ZNF143: variants seen among roughly 807,000 people sequenced by gnomAD.
ZNF143 encodes the protein zinc finger protein 143, also known as SPH-binding factor.
In ZNF143, 49 loss-of-function variants were observed where a neutral mutation model predicts 74.1. The observed-to-expected ratio is 0.66, with a 90% CI of 0.53 to 0.84. ZNF143 has a LOEUF of 0.84. Ranked by LOEUF, ZNF143 falls within the 40% of genes least tolerant of loss-of-function variation. The pLI, the probability that ZNF143 is intolerant of heterozygous loss-of-function variation, is 0.00. For missense variants in ZNF143, 637 were observed against 793.4 expected (o/e 0.80, Z 2.37); for synonymous variants, 304 against 282.8 (o/e 1.07, Z -0.75).
chr11:9,509,728 C>CT lies in ZNF143; in HGVS notation c.1375+886dup, dbSNP rs568845099. Among the ~76,000 whole-genome samples, 21 of 152,282 alleles carry CT rather than the reference C, an allele frequency of 1.4e-4. No homozygotes were observed. The East Asian group carries it at 4.0e-3, about 29-fold the overall frequency. On this transcript the variant is annotated intron_variant, in intron 12 of 15. Transcript: ENST00000396602. ...ATGATTCCTTGTAGTCCTGATTTGT[C>CT]TTTTCAGGTATTTGTTAGGTGGTGG...
At chr11:9,522,065 CAAAAAA>C (rs34484384) in intron 14 of ZNF143, among the ~76,000 whole-genome samples, 1 of 97,594 alleles carries the variant, frequency 1.0e-5, no homozygotes, top group African/African-American at 4.6e-5. Flanking sequence ...GACCCTGTCT[CAAAAAA>C]AAAAAAAAAA....
intron 1 of ZNF143, among the ~76,000 whole-genome samples, chr11:9,469,889 C>G (rs1856470458): frequency 6.6e-6 from 1 of 152,162 alleles, no homozygotes; most frequent in Non-Finnish European, 1.5e-5. Flanking sequence ...TTTTGTGTAT[C>G]TGAACAGTAG....
intron 11 of ZNF143, among the ~76,000 whole-genome samples, chr11:9,507,063 C>G (rs1476877464): frequency 6.6e-6 from 1 of 152,142 alleles, no homozygotes; most frequent in African/African-American, 2.4e-5. Context: ...ATTAACCTGC[C>G]TGCTTTGGGA....
intron 7 of ZNF143, among the ~76,000 whole-genome samples, chr11:9,494,379 C>CT (rs1847886854): frequency 6.6e-6 from 1 of 152,188 alleles, no homozygotes; most frequent in African/African-American, 2.4e-5. Context: ...AATCACAGCT[C>CT]ACTGCAGCCT....
chr11:9,527,221 C>T (rs1430090926), intron 15 of ZNF143, among the ~76,000 whole-genome samples: 2 of 152,220 alleles, frequency 1.3e-5, no homozygotes, highest in Non-Finnish European at 2.9e-5. Context: ...ATCTGCCTGC[C>T]TCCACCTCCC....
At chr11:9,482,990 A>G (rs558906337) in intron 7 of ZNF143, among the ~76,000 whole-genome samples, 1 of 150,720 alleles carries the variant, frequency 6.6e-6, no homozygotes, top group South Asian at 2.1e-4. Context: ...TTATTTTATT[A>G]TTATATTTAT....
At chr11:9,481,079 A>G (rs1197429336) in intron 7 of ZNF143, among the ~76,000 whole-genome samples, 1 of 151,862 alleles carries the variant, frequency 6.6e-6, no homozygotes, top group Non-Finnish European at 1.5e-5. Context: ...ATTCATATTC[A>G]TATTTTGTGA....
At chr11:9,498,228 C>A (rs1344553007) in intron 10 of ZNF143, among the ~76,000 whole-genome samples, 1 of 152,204 alleles carries the variant, frequency 6.6e-6, no homozygotes, top group Non-Finnish European at 1.5e-5. Flanking sequence ...CCCTGAAATT[C>A]CATATGACTT....
At chr11:9,475,191 A>G (rs1856804371) in intron 5 of ZNF143, among the ~76,000 whole-genome samples, 1 of 152,170 alleles carries the variant, frequency 6.6e-6, no homozygotes, top group Admixed American at 6.5e-5. Context: ...ATATTTTAAA[A>G]GCAGCCTTGG....
In ZNF143 at chr11:9,524,045, CAAAAAAAA is replaced by C. The variant is rs533664056; in HGVS notation, c.1687-1182_1687-1175del. 3.5e-5 allele frequency among the ~76,000 whole-genome samples: 3 copies of C among 86,762 alleles called. No homozygotes were observed. The East Asian group carries it at 8.8e-4, about 26-fold the overall frequency. The allele number at this position is 86,762 out of a possible 152,430, so 56.9% of individuals were successfully genotyped here. The stretch of plus-strand genomic sequence containing the variant: ...CTTGGGCGACAGAGCGAGACTACCT[CAAAAAAAA>C]AAAAAAAAAAAAGGATTTGAGGACA... On this transcript the variant is annotated intron_variant, in intron 14 of 15. Coordinates refer to ENST00000396602, the MANE Select transcript of ZNF143 (RefSeq NM_003442.6).
At chr11:9,477,113 CCCTTCCTT>C (rs370473998) in intron 5 of ZNF143, among the ~76,000 whole-genome samples, 8,515 of 70,454 alleles carry the variant, frequency 0.12, 682 homozygotes, top group African/African-American at 0.18. Flanking sequence ...AAGTCTGCAC[CCCTTCCTT>C]CCTTCCTTCC....
intron 15 of ZNF143, 76 bp downstream of exon 15, chr11:9,525,462 T>A (rs751081283): frequency 6.3e-7 from 1 of 1,581,178 alleles, no homozygotes; most frequent in East Asian, 2.2e-5. Context: ...CTGTGCTTCG[T>A]GTATAACCTT....
chr11:9,467,923 T>C (rs914331852), intron 1 of ZNF143, among the ~76,000 whole-genome samples: 1 of 152,164 alleles, frequency 6.6e-6, no homozygotes, highest in Non-Finnish European at 1.5e-5. Context: ...ATGCTTTGCT[T>C]TCCTTACCTA....
At chr11:9,494,564 G>C in intron 7 of ZNF143, 82 bp from the exon 8 acceptor site, 2 of 1,417,376 alleles carry the variant, frequency 1.4e-6, no homozygotes, top group Admixed American at 2.0e-5. Flanking sequence ...GCCTACCTCT[G>C]CCTCCCCATG....
intron 13 of ZNF143, among the ~76,000 whole-genome samples, chr11:9,513,203 T>C (rs146354789): frequency 0.012 from 1,774 of 152,330 alleles, 14 homozygotes; most frequent in South Asian, 0.043. Flanking sequence ...GGTGGAAATA[T>C]GCACAATGTG....
At position 9,508,803 on chromosome 11, in the gene ZNF143, G is replaced by A. The variant is rs940514329; in HGVS notation, c.1332G>A (p.Glu444=). Residue 444 remains glutamate (E), a synonymous_variant, in exon 12 of 16, where the codon GAG becomes GAA. Transcript: ENST00000396602. ...MHKRTAHNDT[E]PIEEEQEAFF... ...AACGGACAGCCCACAACGACACTGA[G>A]CCCATCGAGGAGGAGCAGGAAGCCT... 2.5e-6 allele frequency: 4 copies of A among 1,606,338 alleles called. 1 individual carries two copies. The highest frequency in any genetic ancestry group is 1.1e-5 in the South Asian group (1 of 90,082).
intron 11 of ZNF143, among the ~76,000 whole-genome samples, chr11:9,504,117 C>T (rs1227137688): frequency 6.6e-6 from 1 of 151,584 alleles, no homozygotes; most frequent in Non-Finnish European, 1.5e-5. Context: ...CCTGCCACCA[C>T]ACCCAGCTAA....
chr11:9,492,803 A>G (rs566894234), intron 7 of ZNF143, among the ~76,000 whole-genome samples: 1 of 152,292 alleles, frequency 6.6e-6, no homozygotes, highest in Non-Finnish European at 1.5e-5. Flanking sequence ...CAAGTAGCTG[A>G]TAGACTAATA....
At chr11:9,462,448 C>T (rs953894232) in intron 1 of ZNF143, among the ~76,000 whole-genome samples, 1 of 151,832 alleles carries the variant, frequency 6.6e-6, no homozygotes, top group Non-Finnish European at 1.5e-5. Flanking sequence ...CCTGTAGTCC[C>T]AGGTACTTGG....
Sources: allele counts gnomAD v4.1 joint callset (sites outside exome capture counted in the v4.1 genomes callset), GRCh38; gene constraint gnomAD v4.1.1; transcripts MANE v1.5; gene names NCBI Gene and HGNC (gene_info 2026-07-23, HGNC 2026-07-21).